SHANK2: variants seen among roughly 807,000 people sequenced by gnomAD.
SHANK2 encodes the protein SH3 and multiple ankyrin repeat domains protein 2.
Under a neutral mutation model 133.7 loss-of-function variants are expected in SHANK2, and 43 were observed. The observed-to-expected ratio is 0.32, with a 90% CI of 0.25 to 0.41. The LOEUF is 0.41. Ranked by LOEUF, SHANK2 falls within the 10% of genes least tolerant of loss-of-function variation. The probability of loss-of-function intolerance (pLI) is 1.00; values close to 1 mark genes in which losing one functional copy is unlikely to be tolerated. For missense variants in SHANK2, 1,994 were observed against 2,235.8 expected, an observed-to-expected ratio of 0.89 and a Z score of 2.18; for synonymous variants, 1,017 against 952.8, an observed-to-expected ratio of 1.07 and a Z score of -1.24.
At chr11:70,823,568 CGT>C (rs1948586841) in intron 11 of SHANK2, among the ~76,000 whole-genome samples, 2 of 34,156 alleles carry the variant, frequency 5.9e-5, no homozygotes, top group African/African-American at 2.4e-4. Context: ...GCGCTGGCAG[CGT>C]TCACGGGGGA....
chr11:71,089,000 G>A (rs975885948), intron 8 of SHANK2, among the ~76,000 whole-genome samples: 1 of 150,730 alleles, frequency 6.6e-6, no homozygotes, highest in Non-Finnish European at 1.5e-5. Flanking sequence ...TTGACCTTGT[G>A]GGTGACTGCA....
At chr11:70,823,792 G>T (rs1948594031) in intron 11 of SHANK2, among the ~76,000 whole-genome samples, 1 of 149,720 alleles carries the variant, frequency 6.7e-6, no homozygotes, top group South Asian at 2.2e-4. Context: ...CAGCATTCAT[G>T]GGGGGCAGAG....
Position 71,167,899 on chromosome 11 carries a change from C to T in SHANK2, c.-12-20561G>A, listed in dbSNP as rs534360678. Among the ~76,000 whole-genome samples the T allele has an allele frequency of 2.2e-3, 329 of 147,554 alleles. 3 individuals carry two copies. Among genetic ancestry groups the T allele is most frequent in the African/African-American group, 8.1e-3 (317 of 39,222 alleles). On this transcript the variant is annotated intron_variant, in intron 2 of 25. Transcript: ENST00000601538. ...GCAGAGGCGCCCCTCACCTCCCGGA[C>T]AGGGCGGCTGTCCGGGCGGGGGGCT...
chr11:71,163,230 C>T (rs1366607813), intron 2 of SHANK2, among the ~76,000 whole-genome samples: 1 of 144,562 alleles, frequency 6.9e-6, no homozygotes, highest in Non-Finnish European at 1.5e-5. Context: ...TTGTTTAATA[C>T]TGATGGTGGG....
At chr11:70,805,075 C>T (rs1454469907) in intron 13 of SHANK2, among the ~76,000 whole-genome samples, 1 of 152,192 alleles carries the variant, frequency 6.6e-6, no homozygotes, top group Non-Finnish European at 1.5e-5. Context: ...TCCACAGATG[C>T]CCAGCCCCAG....
At chr11:70,502,734 C>CGG in intron 18 of SHANK2, 62 bp downstream of exon 18, 1 of 679,564 alleles carries the variant, frequency 1.5e-6, no homozygotes, top group Non-Finnish European at 2.2e-6. Flanking sequence ...CTGTCCTGCC[C>CGG]GCCCCCACCC....
intron 2 of SHANK2, among the ~76,000 whole-genome samples, chr11:71,192,378 T>A (rs1365102205): frequency 1.3e-5 from 2 of 152,230 alleles, no homozygotes; most frequent in African/African-American, 4.8e-5. Context: ...CCTTGAGGAC[T>A]GTTGGGCTAT....
At chr11:71,126,725 C>CTTTTTTTTT (rs200961805) in intron 3 of SHANK2, among the ~76,000 whole-genome samples, 2 of 130,282 alleles carry the variant, frequency 1.5e-5, no homozygotes, top group African/African-American at 5.8e-5. Context: ...TCATAAACGA[C>CTTTTTTTTT]TTTTTTTTTT....
intron 14 of SHANK2, among the ~76,000 whole-genome samples, chr11:70,729,674 G>A (rs1401679518): frequency 5.9e-5 from 9 of 151,556 alleles, no homozygotes; most frequent in Non-Finnish European, 8.8e-5. Flanking sequence ...ACAGGTGCCC[G>A]CTACCACACC....
At chr11:70,707,962 T>C (rs745313706) in intron 14 of SHANK2, among the ~76,000 whole-genome samples, 14 of 152,184 alleles carry the variant, frequency 9.2e-5, no homozygotes, top group Non-Finnish European at 1.8e-4. Flanking sequence ...CCTGGGAATC[T>C]GGAGTAGATG....
intron 14 of SHANK2, among the ~76,000 whole-genome samples, chr11:70,744,512 G>C (rs1194018349): frequency 3.9e-5 from 6 of 152,178 alleles, no homozygotes; most frequent in Admixed American, 3.9e-4. Flanking sequence ...AGCCCAGAAG[G>C]TTGGAAGAGG....
intron 17 of SHANK2, among the ~76,000 whole-genome samples, chr11:70,512,303 T>C (rs1018660768): frequency 2.6e-5 from 4 of 152,234 alleles, no homozygotes; most frequent in Non-Finnish European, 4.4e-5. Context: ...ACACCATCAG[T>C]TGAGAACCAC....
At chr11:70,780,317 C>A (rs1257558083) in intron 14 of SHANK2, among the ~76,000 whole-genome samples, 1 of 152,072 alleles carries the variant, frequency 6.6e-6, no homozygotes, top group Non-Finnish European at 1.5e-5. Flanking sequence ...GGCCCTGGGT[C>A]AGAGTTTAAC....
chr11:70,676,157 G>T (rs1254694201), intron 15 of SHANK2, among the ~76,000 whole-genome samples: 1 of 152,228 alleles, frequency 6.6e-6, no homozygotes, highest in Non-Finnish European at 1.5e-5. Context: ...AGAGGGAGGG[G>T]ACTAAGTCTT....
chr11:70,620,087 T>C (rs1554997188), intron 17 of SHANK2, among the ~76,000 whole-genome samples: 5 of 152,190 alleles, frequency 3.3e-5, no homozygotes, highest in Non-Finnish European at 7.3e-5. Context: ...GATCCCATCA[T>C]GAGTCCCCAC....
At chr11:70,677,422 C>G (rs1268088756) in intron 15 of SHANK2, among the ~76,000 whole-genome samples, 1 of 152,208 alleles carries the variant, frequency 6.6e-6, no homozygotes, top group African/African-American at 2.4e-5. Context: ...CCACCACCCA[C>G]GATTCTGAAA....
intron 4 of SHANK2, among the ~76,000 whole-genome samples, chr11:71,117,371 T>C (rs1156475075): frequency 6.6e-6 from 1 of 152,222 alleles, no homozygotes; most frequent in African/African-American, 2.4e-5. Flanking sequence ...GAATATGATG[T>C]AATTTAAAAA....
chr11:70,764,745 C>T lies in SHANK2; in HGVS notation c.1777+33698G>A, dbSNP rs116010342. 6.2e-3 allele frequency among the ~76,000 whole-genome samples: 946 copies of T among 152,118 alleles called. 14 individuals carry two copies. The highest frequency in any genetic ancestry group is 0.022 in the African/African-American group (895 of 41,498). On this transcript the variant is annotated intron_variant, in intron 14 of 25. Coordinates refer to ENST00000601538, the MANE Select transcript of SHANK2 (RefSeq NM_012309.5). ...CCATCCATCTACCCACTCACCCATC[C>T]ATTCACACATCTGTCCATCCACTCA... is the stretch of plus-strand genomic sequence containing the variant.
At chr11:70,532,452 G>A (rs1451031431) in intron 17 of SHANK2, among the ~76,000 whole-genome samples, 2 of 152,152 alleles carry the variant, frequency 1.3e-5, no homozygotes, top group Non-Finnish European at 1.5e-5. Context: ...TGGCCCATCA[G>A]CAAACGCCTC....
Sources: gnomAD v4.1 joint callset for allele counts (sites outside exome capture counted in the v4.1 genomes callset) on GRCh38, gnomAD v4.1.1 for gene constraint, MANE v1.5 for transcripts, NCBI Gene and HGNC (gene_info 2026-07-23, HGNC 2026-07-21) for gene names.